KCNH8: variants seen among roughly 807,000 people sequenced by gnomAD.
The protein encoded by KCNH8 is potassium voltage-gated channel subfamily H member 8, also known as voltage-gated delayed rectifier potassium channel KCNH8.
KCNH8 carries 70 observed loss-of-function variants against 103.6 expected under a neutral mutation model. The observed-to-expected ratio is 0.68, with a 90% CI of 0.56 to 0.82. The LOEUF (loss-of-function observed/expected upper bound fraction) is 0.82. KCNH8 is among the 40% of genes least tolerant of loss of function. KCNH8 has a pLI of 0.00. For missense variants in KCNH8, 1,217 were observed against 1,329.9 expected, an observed-to-expected ratio of 0.92 and a Z score of 1.32; for synonymous variants, 498 against 489.4, an observed-to-expected ratio of 1.02 and a Z score of -0.23.
At chr3:19,478,823 CT>C (rs2068027987) in intron 11 of KCNH8, among the ~76,000 whole-genome samples, 3 of 152,000 alleles carry the variant, frequency 2.0e-5, no homozygotes, top group African/African-American at 7.3e-5. Context: ...CCCAGTATGC[CT>C]TCCCCATACT....
At chr3:19,249,998 G>A (rs915926118) in intron 1 of KCNH8, among the ~76,000 whole-genome samples, 5 of 152,146 alleles carry the variant, frequency 3.3e-5, no homozygotes, top group African/African-American at 1.2e-4. Context: ...ACCCAGCAAG[G>A]CCAAGGTGAG....
Position 19,451,325 on chromosome 3 carries a change from G to GGA in KCNH8, c.1747_1748dup (p.Asp583GlufsTer32). The GGA allele has an allele frequency of 1.9e-6, 3 of 1,613,792 alleles. No individual in the cohort carries two copies. The highest frequency in any genetic ancestry group is 2.5e-6 in the Non-Finnish European group (3 of 1,179,818). ...CGGGGGAGTATCTGCTGCGTCAAGG[G>GGA]GATGCTTTGCAGGCCATCTACTTTG... On this transcript the variant is annotated frameshift_variant, in exon 10 of 16. Coordinates refer to ENST00000328405, the MANE Select transcript of KCNH8 (RefSeq NM_144633.3). LOFTEE classifies it high-confidence loss of function.
intron 5 of KCNH8, among the ~76,000 whole-genome samples, chr3:19,373,026 A>G (rs2066127135): frequency 6.6e-6 from 1 of 151,912 alleles, no homozygotes; most frequent in Non-Finnish European, 1.5e-5. Context: ...TATTTTATTG[A>G]GGATTTTTGC....
chr3:19,172,118 G>C (rs1474139300), intron 1 of KCNH8, among the ~76,000 whole-genome samples: 3 of 152,082 alleles, frequency 2.0e-5, no homozygotes, highest in Non-Finnish European at 4.4e-5. Flanking sequence ...GGAATACTTT[G>C]ACTACCTTCC....
chr3:19,447,276 C>T (rs2067376553), intron 8 of KCNH8, among the ~76,000 whole-genome samples: 1 of 151,894 alleles, frequency 6.6e-6, no homozygotes, highest in Non-Finnish European at 1.5e-5. Flanking sequence ...TTTTTAACTA[C>T]TTAAATTAGA....
intron 5 of KCNH8, among the ~76,000 whole-genome samples, chr3:19,376,126 C>A (rs1559498854): frequency 6.6e-6 from 1 of 152,188 alleles, no homozygotes; most frequent in African/African-American, 2.4e-5. Flanking sequence ...GTGGGCTCCA[C>A]CCAGTTCGAG....
At position 19,395,143 on chromosome 3, in the gene KCNH8, C is replaced by G. The variant is rs1395138374; in HGVS notation, c.1009C>G (p.Arg337Gly). The change falls in exon 7 of 16, where the codon CGT (arginine) becomes GGT (glycine). Residue 337 changes from arginine to glycine, a missense_variant. Coordinates refer to ENST00000328405, the MANE Select transcript of KCNH8 (RefSeq NM_144633.3). The stretch of plus-strand genomic sequence containing the variant: ...TCTTCTAAAGACAGTGCGCCTCTTG[C>G]GTCTTTTGCGTCTGCTGCAGAAGTT... ...VHLLKTVRLL[R>G]LLRLLQKLDR... The G allele has an allele frequency of 6.2e-7, 1 of 1,611,252 alleles. No homozygotes were observed. Among genetic ancestry groups the G allele is most frequent in the Non-Finnish European group, 8.5e-7 (1 of 1,178,726 alleles).
At chr3:19,170,689 T>TAC (rs1002647593) in intron 1 of KCNH8, among the ~76,000 whole-genome samples, 1 of 142,328 alleles carries the variant, frequency 7.0e-6, no homozygotes, top group South Asian at 2.1e-4. Context: ...CACACATATA[T>TAC]ACACACATAT....
intron 7 of KCNH8, among the ~76,000 whole-genome samples, chr3:19,426,556 A>C (rs2067031881): frequency 6.6e-6 from 1 of 150,814 alleles, no homozygotes; most frequent in Non-Finnish European, 1.5e-5. Flanking sequence ...GATGTGGCAT[A>C]CAAGATATGA....
At chr3:19,178,399 T>C (rs1208363635) in intron 1 of KCNH8, among the ~76,000 whole-genome samples, 1 of 152,170 alleles carries the variant, frequency 6.6e-6, no homozygotes, top group Admixed American at 6.5e-5. Flanking sequence ...ATCATTGTGT[T>C]ACATATTGCT....
At chr3:19,187,741 A>G (rs1026901615) in intron 1 of KCNH8, among the ~76,000 whole-genome samples, 3 of 152,112 alleles carry the variant, frequency 2.0e-5, no homozygotes, top group Non-Finnish European at 4.4e-5. Context: ...CTATATAAAT[A>G]TGAGTGTTTT....
chr3:19,431,650 G>A (rs984576463), intron 7 of KCNH8, among the ~76,000 whole-genome samples: 5 of 152,034 alleles, frequency 3.3e-5, no homozygotes, highest in Admixed American at 6.6e-5. Context: ...TTGTTTGGCA[G>A]GCTATTTATT....
intron 1 of KCNH8, among the ~76,000 whole-genome samples, chr3:19,188,226 G>GT (rs1225464124): frequency 6.6e-6 from 1 of 152,040 alleles, no homozygotes; most frequent in Admixed American, 6.6e-5. Flanking sequence ...GCTTTAAAAT[G>GT]TAACTTTTAT....
intron 1 of KCNH8, among the ~76,000 whole-genome samples, chr3:19,175,713 G>A (rs2063393347): frequency 6.6e-6 from 1 of 152,088 alleles, no homozygotes. Flanking sequence ...TGGAAATACT[G>A]TCAAATCACC....
chr3:19,465,768 T>A (rs1453740420), intron 11 of KCNH8, among the ~76,000 whole-genome samples: 1 of 151,680 alleles, frequency 6.6e-6, no homozygotes, highest in Non-Finnish European at 1.5e-5. Flanking sequence ...TTGACTTTAA[T>A]CCTCATGGAT....
At chr3:19,526,368 A>T (rs183953836) in intron 15 of KCNH8, among the ~76,000 whole-genome samples, 2 of 152,140 alleles carry the variant, frequency 1.3e-5, no homozygotes, top group Admixed American at 1.3e-4. Flanking sequence ...TTTTACACCA[A>T]TCATGCCAAT....
chr3:19,463,911 T>C (rs993303980), intron 11 of KCNH8, among the ~76,000 whole-genome samples: 4 of 152,132 alleles, frequency 2.6e-5, no homozygotes, highest in African/African-American at 7.2e-5. Flanking sequence ...TGACAGTATA[T>C]GTAAGTATGT....
intron 1 of KCNH8, among the ~76,000 whole-genome samples, chr3:19,229,567 G>C (rs7652959): frequency 0.057 from 8,680 of 152,248 alleles, 835 homozygotes; most frequent in African/African-American, 0.19. Flanking sequence ...CACCAAGTCC[G>C]TAGGCTGCGC....
At chr3:19,308,865 T>G (rs1450740798) in intron 3 of KCNH8, among the ~76,000 whole-genome samples, 1 of 150,616 alleles carries the variant, frequency 6.6e-6, no homozygotes, top group Non-Finnish European at 1.5e-5. Flanking sequence ...CAAATTTTAT[T>G]TTCATTACCA....
Sources: allele counts gnomAD v4.1 joint callset (sites outside exome capture counted in the v4.1 genomes callset), GRCh38; gene constraint gnomAD v4.1.1; transcripts MANE v1.5; gene names NCBI Gene and HGNC (gene_info 2026-07-23, HGNC 2026-07-21).